Variants in STRBP observed in about 807,000 individuals in gnomAD.
STRBP encodes spermatid perinuclear RNA-binding protein.
Under a neutral mutation model 80.1 loss-of-function variants are expected in STRBP, and 13 were observed. The observed-to-expected ratio is 0.16, with a 90% CI of 0.11 to 0.26. The LOEUF is 0.26. Ranked by LOEUF, STRBP falls within the 10% of genes least tolerant of loss-of-function variation. The probability of loss-of-function intolerance (pLI) is 1.00; values close to 1 mark genes in which losing one functional copy is unlikely to be tolerated. For missense variants in STRBP, 485 were observed against 815.2 expected, an observed-to-expected ratio of 0.59 and a Z score of 4.93; for synonymous variants, 284 against 291.2, an observed-to-expected ratio of 0.98 and a Z score of 0.25.
intron 5 of STRBP, 64 bp from the exon 6 acceptor site, chr9:123,170,110 A>C: frequency 6.7e-7 from 1 of 1,489,016 alleles, no homozygotes. Context: ...AAGAAAAAAA[A>C]ACAATGCTTG....
chr9:123,238,051 C>T (rs2040607791), intron 1 of STRBP, among the ~76,000 whole-genome samples: 1 of 152,248 alleles, frequency 6.6e-6, no homozygotes. Context: ...GGACTCACCT[C>T]ACTTAATTGT....
intron 3 of STRBP, among the ~76,000 whole-genome samples, chr9:123,181,225 A>T (rs2038443441): frequency 6.6e-6 from 1 of 152,208 alleles, no homozygotes; most frequent in African/African-American, 2.4e-5. Flanking sequence ...ACAAAGAAAC[A>T]AATTTTTTAA....
intron 2 of STRBP, among the ~76,000 whole-genome samples, chr9:123,220,595 T>A (rs1275955359): frequency 6.6e-6 from 1 of 152,116 alleles, no homozygotes; most frequent in Non-Finnish European, 1.5e-5. Flanking sequence ...GAGAACAGGG[T>A]AAAGGAAGTT....
At chr9:123,266,792 C>G (rs2041276109) in intron 1 of STRBP, among the ~76,000 whole-genome samples, 1 of 152,032 alleles carries the variant, frequency 6.6e-6, no homozygotes. Flanking sequence ...TTGCCCTTCC[C>G]TTACTCCACT....
chr9:123,212,220 T>C (rs2039735395), intron 2 of STRBP, among the ~76,000 whole-genome samples: 1 of 152,192 alleles, frequency 6.6e-6, no homozygotes, highest in Non-Finnish European at 1.5e-5. Context: ...AAAGAATTTG[T>C]TCTAGTGAGT....
rs33997248 is a variant in STRBP at position 123,223,049 on chromosome 9, T to TGATAGATAGATA, written c.-165+13769_-165+13780dup. ...CATGAAGGAAGCTCAGATAGATAGA[T>TGATAGATAGATA]GATAGATAGATAGATAGATAGATAG... On this transcript the variant is annotated intron_variant, in intron 2 of 18. Coordinates refer to ENST00000348403, the MANE Select transcript of STRBP (RefSeq NM_018387.5). Among the ~76,000 whole-genome samples, 99 of 148,002 alleles carry TGATAGATAGATA rather than the reference T, an allele frequency of 6.7e-4. 1 individual carries two copies. The highest frequency in any genetic ancestry group is 8.2e-4 in the Admixed American group (12 of 14,720).
chr9:123,206,700 G>A (rs78738989), intron 2 of STRBP, among the ~76,000 whole-genome samples: 3 of 151,476 alleles, frequency 2.0e-5, no homozygotes, highest in South Asian at 2.1e-4. Context: ...GTGCAATAGC[G>A]CAATCTCGGC....
intron 6 of STRBP, chr9:123,168,172 A>G: frequency 3.1e-6 from 3 of 963,494 alleles, no homozygotes; most frequent in Non-Finnish European, 3.7e-6. Context: ...TAGAGGGTCA[A>G]GTAGAACACA....
At chr9:123,177,132 C>T (rs531266719) in intron 4 of STRBP, among the ~76,000 whole-genome samples, 27 of 152,158 alleles carry the variant, frequency 1.8e-4, no homozygotes, top group Non-Finnish European at 3.1e-4. Flanking sequence ...ACATGCCAGC[C>T]TCTGATATAA....
At position 123,136,683 on chromosome 9, in the gene STRBP, G is replaced by T. The variant is rs570216912; in HGVS notation, c.1498-168C>A. Among the ~76,000 whole-genome samples, 42 of 152,286 alleles carry T rather than the reference G, an allele frequency of 2.8e-4. No individual in the cohort carries two copies. Among genetic ancestry groups the T allele is most frequent in the Non-Finnish European group, 4.6e-4 (31 of 68,018 alleles). ...CAAATGGCAAAATATCATTAAAGCTGTAAAAACTCTACAAGCAGTAAACAT... is the reference window on the plus strand; with the variant it reads ...CAAATGGCAAAATATCATTAAAGCTTTAAAAACTCTACAAGCAGTAAACAT... On this transcript the variant is annotated intron_variant, in intron 14 of 18. Coordinates refer to ENST00000348403, the MANE Select transcript of STRBP (RefSeq NM_018387.5). The surrounding 1 kb of genome is among the most constrained non-coding windows in gnomAD (Gnocchi z 4.2).
chr9:123,157,766 A>G (rs1008885138), intron 11 of STRBP, among the ~76,000 whole-genome samples: 5 of 152,034 alleles, frequency 3.3e-5, no homozygotes, highest in Non-Finnish European at 5.9e-5. Flanking sequence ...GCATGGAGGT[A>G]ACTGCCTCCA....
intron 3 of STRBP, chr9:123,114,368 G>C (rs540743397): frequency 6.0e-6 from 1 of 167,182 alleles, no homozygotes; most frequent in African/African-American, 2.4e-5. Flanking sequence ...TCTTCCCATG[G>C]GCTACAGACT....
chr9:123,258,620 A>G (rs374422091), intron 1 of STRBP, among the ~76,000 whole-genome samples: 35 of 151,950 alleles, frequency 2.3e-4, no homozygotes, highest in Non-Finnish European at 3.5e-4. Flanking sequence ...TGGCTAACAC[A>G]GTGAAACCCT....
chr9:123,181,128 C>T (rs2038439650), intron 3 of STRBP, among the ~76,000 whole-genome samples: 1 of 152,176 alleles, frequency 6.6e-6, no homozygotes, highest in South Asian at 2.1e-4. Context: ...GATTACAAAG[C>T]TTTTCTTTTT....
At chr9:123,148,938 A>G (rs1251328412) in intron 11 of STRBP, among the ~76,000 whole-genome samples, 2 of 152,324 alleles carry the variant, frequency 1.3e-5, no homozygotes, top group Non-Finnish European at 2.9e-5. Flanking sequence ...AGTTTCTTGG[A>G]TAAAGAAGCC....
At chr9:123,147,693 A>AAC in intron 12 of STRBP, 85 bp downstream of exon 12, 3 of 1,154,712 alleles carry the variant, frequency 2.6e-6, no homozygotes, top group Non-Finnish European at 3.6e-6. Context: ...AAAAAAAAAA[A>AAC]AAAAAACCCT....
intron 11 of STRBP, among the ~76,000 whole-genome samples, chr9:123,153,229 C>T (rs2037137557): frequency 6.7e-6 from 1 of 150,246 alleles, no homozygotes; most frequent in Non-Finnish European, 1.5e-5. Flanking sequence ...CTCGCTCTGT[C>T]ACCAAGGCTG....
chr9:123,166,276 G>C (rs1158289264), intron 6 of STRBP, among the ~76,000 whole-genome samples: 4 of 152,096 alleles, frequency 2.6e-5, no homozygotes, highest in African/African-American at 7.2e-5. Flanking sequence ...TCACTGTTAC[G>C]GCAGTTTGAG....
chr9:123,245,940 A>G (rs1314964271), intron 1 of STRBP, among the ~76,000 whole-genome samples: 2 of 152,222 alleles, frequency 1.3e-5, no homozygotes, highest in African/African-American at 4.8e-5. Flanking sequence ...CCCAAGAAAG[A>G]CAATAGTTCA....
Sources: gnomAD v4.1 joint callset for allele counts (sites outside exome capture counted in the v4.1 genomes callset) on GRCh38, gnomAD v4.1.1 for gene constraint, Gnocchi (gnomAD v3.1) non-coding constraint, MANE v1.5 for transcripts, NCBI Gene and HGNC (gene_info 2026-07-23, HGNC 2026-07-21) for gene names.